MACF1: variants seen among roughly 807,000 people sequenced by gnomAD.
MACF1 encodes the protein microtubule actin crosslinking factor 1, also known as microtubule-actin cross-linking factor 1.
A neutral mutation model predicts 854.8 loss-of-function variants in MACF1; 193 were observed. That is an observed-to-expected ratio of 0.23 (90% confidence interval 0.20 to 0.25). The LOEUF (loss-of-function observed/expected upper bound fraction) is 0.25, where lower values mean the gene tolerates loss of function less well. Among genes scored for constraint, MACF1 ranks in the 10% least tolerant of loss-of-function variants. MACF1 has a pLI of 1.00. For synonymous variants in MACF1, 3,185 were observed against 3,226.7 expected (o/e 0.99, Z 0.44); for missense variants, 7,722 against 8,929.1 (o/e 0.86, Z 5.45).
chr1:39,485,840 C>G lies in MACF1; in HGVS notation c.*46C>G. 3.9e-6 allele frequency: 6 copies of G among 1,519,030 alleles called. No individual in the cohort carries two copies. Among genetic ancestry groups the G allele is most frequent in the Non-Finnish European group, 5.3e-6 (6 of 1,132,082 alleles). 94.1% of individuals were successfully genotyped at this position (1,519,030 alleles called of 1,614,324 possible). A position where few individuals can be genotyped will look rare whatever the true frequency, so the allele number is the denominator to read the frequency against. The stretch of plus-strand genomic sequence containing the variant: ...GCCACTATCCACTTTGAATCCTGCT[C>G]CATACATTGGGTGTATATTTATTCT... On this transcript the variant is annotated 3_prime_UTR_variant, in exon 101 of 101. Coordinates refer to ENST00000564288, the MANE Select transcript of MACF1 (RefSeq NM_001394062.1).
intron 2 of MACF1, among the ~76,000 whole-genome samples, chr1:39,100,384 C>A (rs1298852708): frequency 6.6e-6 from 1 of 152,158 alleles, no homozygotes; most frequent in Non-Finnish European, 1.5e-5. Flanking sequence ...CATTGGAGAT[C>A]AGCCTGAAAA....
At chr1:39,451,810 T>C (rs1644346564) in intron 85 of MACF1, among the ~76,000 whole-genome samples, 1 of 152,230 alleles carries the variant, frequency 6.6e-6, no homozygotes, top group Non-Finnish European at 1.5e-5. Context: ...TTCAAAATTA[T>C]GTATCTCCTA....
chr1:39,140,445 T>G (rs1240025223), intron 2 of MACF1, among the ~76,000 whole-genome samples: 1 of 152,128 alleles, frequency 6.6e-6, no homozygotes, highest in Non-Finnish European at 1.5e-5. Context: ...TAGCACAGAG[T>G]ATTGCGTATA....
chr1:39,246,505 G>C (rs1644981993), intron 2 of MACF1, among the ~76,000 whole-genome samples: 5 of 152,142 alleles, frequency 3.3e-5, no homozygotes, highest in Admixed American at 3.3e-4. Context: ...ATTTGAGGGA[G>C]GGGTTTTTGT....
chr1:39,272,176 T>C (rs1421844740), intron 6 of MACF1, among the ~76,000 whole-genome samples: 1 of 152,200 alleles, frequency 6.6e-6, no homozygotes, highest in Non-Finnish European at 1.5e-5. Flanking sequence ...CACCATCCTA[T>C]ATGACAGATA....
At chr1:39,235,881 C>T (rs1644855333) in intron 2 of MACF1, among the ~76,000 whole-genome samples, 1 of 152,184 alleles carries the variant, frequency 6.6e-6, no homozygotes, top group East Asian at 1.9e-4. Flanking sequence ...TTTATAGGCA[C>T]ATGCCACTGT....
chr1:39,236,462 C>T (rs573095539), intron 2 of MACF1, among the ~76,000 whole-genome samples: 1 of 152,298 alleles, frequency 6.6e-6, no homozygotes, highest in South Asian at 2.1e-4. Context: ...TTCCTGACTT[C>T]TCTGATGTGG....
intron 1 of MACF1, among the ~76,000 whole-genome samples, chr1:39,218,522 A>T (rs1215501581): frequency 6.6e-6 from 1 of 151,862 alleles, no homozygotes; most frequent in African/African-American, 2.4e-5. Flanking sequence ...GGACTCTTAA[A>T]ACTCTCTCTT....
Position 39,322,620 on chromosome 1 carries a change from C to T in MACF1, c.4042C>T (p.Gln1348Ter). The T allele has an allele frequency of 6.2e-7, 1 of 1,613,750 alleles. No individual in the cohort carries two copies. Among genetic ancestry groups the T allele is most frequent in the Non-Finnish European group, 8.5e-7 (1 of 1,179,682 alleles). The stretch of plus-strand genomic sequence containing the variant: ...CATCCTTTCCTAGGACTATGAATTG[C>T]AACTGATGACATACAAGGCCTTTGT... ...YSTIVKDYELQLMTYKAFVES... is the reference protein window; with the variant it reads ...YSTIVKDYEL Residue 1348 changes from glutamine (Q) to a stop codon, truncating the protein, a stop_gained, in exon 32 of 101, where the codon CAA becomes TAA. Coordinates refer to ENST00000564288, the MANE Select transcript of MACF1 (RefSeq NM_001394062.1). LOFTEE classifies it high-confidence loss of function.
intron 14 of MACF1, among the ~76,000 whole-genome samples, chr1:39,286,866 A>G (rs1157022733): frequency 2.0e-5 from 3 of 152,254 alleles, no homozygotes; most frequent in Non-Finnish European, 4.4e-5. Context: ...CTTAAAAACA[A>G]TTCTGAACTA....
chr1:39,166,492 T>C (rs528343863), intron 2 of MACF1, among the ~76,000 whole-genome samples: 2 of 152,014 alleles, frequency 1.3e-5, no homozygotes, highest in African/African-American at 4.8e-5. Context: ...ATTTCGCTCT[T>C]ATTGCCCAGG....
rs751245559 is a variant in MACF1, at chr1:39,322,721, A to G, written c.4137+6A>G. The G allele has an allele frequency of 6.2e-7, 1 of 1,613,222 alleles. No homozygotes were observed. The highest frequency in any genetic ancestry group is 1.1e-5 in the South Asian group (1 of 91,072). ...CAGATGCCATCACTCAAGAGGTGAG[A>G]GGGTGGGGGAAGGAAATACACCACT... On this transcript the variant is annotated splice_donor_region_variant and intron_variant, in intron 32 of 100. Coordinates refer to ENST00000564288, the MANE Select transcript of MACF1 (RefSeq NM_001394062.1).
intron 49 of MACF1, 76 bp downstream of exon 49, chr1:39,361,753 A>T (rs1039892261): frequency 7.2e-7 from 1 of 1,391,376 alleles, no homozygotes; most frequent in African/African-American, 1.4e-5. Flanking sequence ...TGCTGAGCGC[A>T]TACTACATCA....
intron 1 of MACF1, among the ~76,000 whole-genome samples, chr1:39,229,096 C>G (rs914103998): frequency 6.6e-6 from 1 of 152,176 alleles, no homozygotes; most frequent in Non-Finnish European, 1.5e-5. Context: ...AAATTTTAAA[C>G]ATCAAGAATA....
At chr1:39,410,270 G>A (rs1642927720) in intron 58 of MACF1, 1 of 1,571,568 alleles carries the variant, frequency 6.4e-7, no homozygotes, top group Non-Finnish European at 8.6e-7. Context: ...AAAAGGATGG[G>A]TAAGCCACTC....
At chr1:39,259,075 A>G (rs540546175) in intron 6 of MACF1, among the ~76,000 whole-genome samples, 2 of 152,324 alleles carry the variant, frequency 1.3e-5, no homozygotes, top group Non-Finnish European at 2.9e-5. Context: ...GTCTGGCAGG[A>G]TGGGAAACTT....
intron 1 of MACF1, among the ~76,000 whole-genome samples, chr1:39,213,153 C>A (rs149609466): frequency 5.3e-5 from 8 of 152,250 alleles, no homozygotes; most frequent in Admixed American, 1.3e-4. Flanking sequence ...ATGATAATAT[C>A]TTTCTTGGAG....
At chr1:39,123,717 G>GTTTTTTTTTTTTTTTTT (rs1170430073) in intron 2 of MACF1, among the ~76,000 whole-genome samples, 1 of 100,468 alleles carries the variant, frequency 1.0e-5, no homozygotes, top group Non-Finnish European at 1.8e-5. Flanking sequence ...TTCTTGTTTT[G>GTTTTTTTTTTTTTTTTT]TTTTTTTTTT....
At chr1:39,120,803 T>TC (rs11370941) in intron 2 of MACF1, 148,459 of 152,280 alleles carry the variant, frequency 0.97, 72,452 homozygotes, top group South Asian at 1. Flanking sequence ...GGGGTGTCTA[T>TC]CCCTCAAGCA....
Sources: gnomAD v4.1 joint callset for allele counts (sites outside exome capture counted in the v4.1 genomes callset) on GRCh38, gnomAD v4.1.1 for gene constraint, MANE v1.5 for transcripts, NCBI Gene and HGNC (gene_info 2026-07-23, HGNC 2026-07-21) for gene names.